DDX46: variants seen among roughly 807,000 people sequenced by gnomAD.
DDX46 encodes probable ATP-dependent RNA helicase DDX46.
Under a neutral mutation model 134.9 loss-of-function variants are expected in DDX46, and 30 were observed. The observed-to-expected ratio is 0.22, with a 90% CI of 0.17 to 0.30. DDX46 has a LOEUF of 0.30. Ranked by LOEUF, DDX46 falls within the 10% of genes least tolerant of loss-of-function variation. DDX46 has a pLI of 1.00. For synonymous variants in DDX46, 415 were observed against 404.1 expected (o/e 1.03, Z -0.32); for missense variants, 622 against 1,248.7 (o/e 0.50, Z 7.56).
chr5:134,773,903 G>C, intron 5 of DDX46, 42 bp downstream of exon 5: 1 of 1,487,136 alleles, frequency 6.7e-7, no homozygotes, highest in South Asian at 1.4e-5. Context: ...ACCTCATGTA[G>C]AATATTATAT....
At chr5:134,790,210 A>G in intron 12 of DDX46, 1 of 578,446 alleles carries the variant, frequency 1.7e-6, no homozygotes, top group Non-Finnish European at 3.3e-6. Context: ...CAGGTTCTTC[A>G]GGCCCTATGA....
rs200534502 is a variant in DDX46, at chr5:134,794,891, G to T, written c.1668G>T (p.Thr556=). The T allele has an allele frequency of 2.5e-6, 4 of 1,614,162 alleles. No homozygotes were observed. The highest frequency in any genetic ancestry group is 2.5e-6 in the Non-Finnish European group (3 of 1,180,030). The change falls in exon 14 of 23, where the codon ACG becomes ACT. Residue 556 remains threonine, a synonymous_variant. Transcript: ENST00000452510. ...ATAATGTTCGTCCTGATCGACAGAC[G>T]GTTATGTTTTCAGCTACTTTCCCCA... is the stretch of plus-strand genomic sequence containing the variant. ...IVDNVRPDRQ[T]VMFSATFPRA... is the part of the protein sequence containing the mutation.
intron 18 of DDX46, among the ~76,000 whole-genome samples, chr5:134,815,704 C>CT (rs1450271765): frequency 0.012 from 683 of 57,108 alleles, 6 homozygotes; most frequent in Admixed American, 0.021. Context: ...GAGACTCTGT[C>CT]TCAAAAAAAA....
chr5:134,808,072 G>A lies in DDX46; in HGVS notation c.2148+131G>A, dbSNP rs1580810945. On this transcript the variant is annotated intron_variant, in intron 16 of 22. Transcript: ENST00000452510. Reference sequence around the variant, plus strand: ...CTTTAATCCACATAATGTGAAGAGTGGTTGATGTTAATAATTTATATACAT... The same window carrying A: ...CTTTAATCCACATAATGTGAAGAGTAGTTGATGTTAATAATTTATATACAT... The A allele has an allele frequency of 6.0e-6, 5 of 832,416 alleles. No homozygotes were observed. The East Asian group carries it at 1.1e-4, about 18-fold the overall frequency. The allele number at this position is 832,416 out of a possible 1,614,324, so 51.6% of individuals were successfully genotyped here.
At chr5:134,809,874 A>T (rs1402742544) in intron 16 of DDX46, among the ~76,000 whole-genome samples, 1 of 152,024 alleles carries the variant, frequency 6.6e-6, no homozygotes, top group African/African-American at 2.4e-5. Flanking sequence ...TTAGCCGGGC[A>T]TGGTGGCATA....
chr5:134,763,964 A>G lies in DDX46; in HGVS notation c.78A>G (p.Ser26=), dbSNP rs1234100805. 2.5e-6 allele frequency: 4 copies of G among 1,614,216 alleles called. No individual in the cohort carries two copies. Among genetic ancestry groups the G allele is most frequent in the Non-Finnish European group, 2.5e-6 (3 of 1,180,034 alleles). Residue 26 remains serine, a synonymous_variant, in exon 2 of 23, where the codon TCA becomes TCG. Transcript: ENST00000452510. ...CTGGAAGTCGGTCTAGAAGTCGCTC[A>G]CCCTCAGACAAAAGAAGTAAACGTG... The part of the protein sequence containing the change: ...GRSGSRSRSR[S]PSDKRSKRGD...
intron 13 of DDX46, among the ~76,000 whole-genome samples, chr5:134,792,765 A>G (rs991428046): frequency 6.6e-6 from 1 of 152,242 alleles, no homozygotes; most frequent in Admixed American, 6.5e-5. Flanking sequence ...TCATGTATTT[A>G]TGTCCGTGTA....
At chr5:134,772,300 G>C (rs890617436) in intron 4 of DDX46, among the ~76,000 whole-genome samples, 1 of 152,066 alleles carries the variant, frequency 6.6e-6, no homozygotes, top group Admixed American at 6.6e-5. Flanking sequence ...AAGGTGGGTA[G>C]ATCACGAGGT....
intron 18 of DDX46, among the ~76,000 whole-genome samples, chr5:134,813,882 C>T (rs1294478541): frequency 1.3e-5 from 2 of 152,138 alleles, no homozygotes; most frequent in Admixed American, 6.6e-5. Context: ...GCCTCAGCCT[C>T]CCAAAGTGAT....
chr5:134,819,019 T>A lies in DDX46; in HGVS notation c.2977+15T>A. 6.2e-7 allele frequency: 1 copy of A among 1,611,158 alleles called. No individual in the cohort carries two copies. Among genetic ancestry groups the A allele is most frequent in the Non-Finnish European group, 8.5e-7 (1 of 1,178,846 alleles). On this transcript the variant is annotated intron_variant, in intron 21 of 22. Coordinates refer to ENST00000452510, the MANE Select transcript of DDX46 (RefSeq NM_001300860.2). ...GGCAATTGAAAGTATGTACTGTTAG[T>A]TCTGTTTCAATCTTGAATTTAGATC...
chr5:134,773,914 GAAT>G, intron 5 of DDX46, 53 bp downstream of exon 5: 8 of 1,409,532 alleles, frequency 5.7e-6, no homozygotes, highest in Non-Finnish European at 7.6e-6. Context: ...AATATTATAT[GAAT>G]AATATTTCAT....
At chr5:134,802,898 T>G (rs1198034058) in intron 15 of DDX46, among the ~76,000 whole-genome samples, 4 of 152,204 alleles carry the variant, frequency 2.6e-5, no homozygotes, top group African/African-American at 9.6e-5. Flanking sequence ...TTTGTTTTTG[T>G]TTTTGTGTGG....
At chr5:134,783,166 C>T in intron 9 of DDX46, 101 bp downstream of exon 9, 4 of 1,451,488 alleles carry the variant, frequency 2.8e-6, no homozygotes, top group South Asian at 1.4e-5. Flanking sequence ...CTAAAAAAAC[C>T]CTTACGTTTT....
chr5:134,779,159 C>T lies in DDX46; in HGVS notation c.765+1434C>T, dbSNP rs141237358. On this transcript the variant is annotated intron_variant, in intron 6 of 22. Coordinates refer to ENST00000452510, the MANE Select transcript of DDX46 (RefSeq NM_001300860.2). Reference sequence around the variant, plus strand: ...TGATCCACCTGCCTTGGCCTCCCAACGTGCTGGGATTATAGGCATTAGCCA... The same window carrying T: ...TGATCCACCTGCCTTGGCCTCCCAATGTGCTGGGATTATAGGCATTAGCCA... Among the ~76,000 whole-genome samples the T allele has an allele frequency of 8.8e-3, 1,328 of 151,224 alleles. 6 individuals carry two copies. Among genetic ancestry groups the T allele is most frequent in the Middle Eastern group, 0.042 (12 of 288 alleles).
At position 134,777,715 on chromosome 5, in the gene DDX46, G is replaced by T. The variant is rs1753989574; in HGVS notation, c.755G>T (p.Gly252Val). 1 of 1,601,300 alleles carries T rather than the reference G, an allele frequency of 6.2e-7. No individual in the cohort carries two copies. The highest frequency in any genetic ancestry group is 1.4e-5 in the African/African-American group (1 of 73,770). The change falls in exon 6 of 23, where the codon GGA becomes GTA. Residue 252 changes from glycine to valine, a missense_variant. By Grantham distance (109) the Gly-to-Val change is moderately radical. Around this residue, in one of 8 missense-constraint regions of DDX46, gnomAD observed 244 missense variants for 349.3 expected, o/e 0.70. Coordinates refer to ENST00000452510, the MANE Select transcript of DDX46 (RefSeq NM_001300860.2). Reference sequence around the variant, plus strand: ...ATGAGAAGTGTAAAAGGTGGTGGGGGAAATGAAAAGGTATGGAATTTCTTA... The same window carrying T: ...ATGAGAAGTGTAAAAGGTGGTGGGGTAAATGAAAAGGTATGGAATTTCTTA... The part of the protein sequence containing the change: ...FNMRSVKGGG[G>V]NEKKSGPTVT...
chr5:134,763,231 C>CTAAAAA (rs1451791178), intron 1 of DDX46, among the ~76,000 whole-genome samples: 1 of 152,018 alleles, frequency 6.6e-6, no homozygotes, highest in Non-Finnish European at 1.5e-5. Flanking sequence ...AGGCCTGTTT[C>CTAAAAA]TAAAAATAAA....
At chr5:134,796,939 G>T (rs963315074) in intron 15 of DDX46, among the ~76,000 whole-genome samples, 2 of 151,080 alleles carry the variant, frequency 1.3e-5, no homozygotes, top group South Asian at 2.1e-4. Flanking sequence ...ATCACCTGAG[G>T]TTGGGAGTTC....
chr5:134,772,055 AC>A (rs1478649521), intron 4 of DDX46, among the ~76,000 whole-genome samples: 1 of 151,596 alleles, frequency 6.6e-6, no homozygotes, highest in East Asian at 2.0e-4. Flanking sequence ...ACATGGTAAA[AC>A]CCCGTCACTA....
intron 4 of DDX46, 145 bp downstream of exon 4, chr5:134,771,144 C>T: frequency 1.9e-6 from 1 of 537,788 alleles, no homozygotes. Flanking sequence ...TTCTGTCTGT[C>T]TCTGTTGCCC....
Sources: gnomAD v4.1 joint callset for allele counts (sites outside exome capture counted in the v4.1 genomes callset) on GRCh38, gnomAD v4.1.1 for gene constraint, gnomAD v4.1.1 regional missense constraint, MANE v1.5 for transcripts, NCBI Gene and HGNC (gene_info 2026-07-23, HGNC 2026-07-21) for gene names.